Variants in GRIN2A observed in about 807,000 individuals in gnomAD.
The protein encoded by GRIN2A is glutamate ionotropic receptor NMDA type subunit 2A.
Under a neutral mutation model 113.4 loss-of-function variants are expected in GRIN2A, and 22 were observed. The observed-to-expected ratio is 0.19, with a 90% confidence interval of 0.14 to 0.28. GRIN2A has a LOEUF of 0.28. Among genes scored for constraint, GRIN2A ranks in the 10% least tolerant of loss-of-function variants. The pLI is 1.00. For synonymous variants in GRIN2A, 827 were observed against 738.4 expected (o/e 1.12, Z -1.94); for missense variants, 1,502 against 1,887.0 (o/e 0.80, Z 3.78).
intron 2 of GRIN2A, among the ~76,000 whole-genome samples, chr16:10,009,350 A>G (rs1346288920): frequency 6.6e-6 from 1 of 152,224 alleles, no homozygotes; most frequent in Non-Finnish European, 1.5e-5. Context: ...TAGAGTTGAC[A>G]CACAGAGAGG....
chr16:10,093,618 G>GAA (rs199838522), intron 2 of GRIN2A, among the ~76,000 whole-genome samples: 28,989 of 145,372 alleles, frequency 0.2, 3,442 homozygotes, highest in East Asian at 0.44. Flanking sequence ...GCAACAAAGT[G>GAA]AAAAAAAAAA....
At chr16:9,881,829 T>C (rs1289059671) in intron 4 of GRIN2A, among the ~76,000 whole-genome samples, 1 of 152,206 alleles carries the variant, frequency 6.6e-6, no homozygotes, top group African/African-American at 2.4e-5. Context: ...TCCCTGCCGG[T>C]AGAATGTGTC....
Position 9,939,220 on chromosome 16 carries a change from G to T in GRIN2A, c.415-669C>A, listed in dbSNP as rs533356829. 9.8e-5 allele frequency among the ~76,000 whole-genome samples: 15 copies of T among 152,286 alleles called. No homozygotes were observed. The South Asian group carries it at 2.9e-3, about 29-fold the overall frequency. ...AACTTCTACAAACTAAGAGCTAAAA[G>T]AGGTATATGAAGTGCTGAAGGAGAA... is the stretch of plus-strand genomic sequence containing the variant. On this transcript the variant is annotated intron_variant, in intron 2 of 12. Coordinates refer to ENST00000330684, the MANE Select transcript of GRIN2A (RefSeq NM_001134407.3).
Position 9,834,243 on chromosome 16 carries a change from A to G in GRIN2A, c.1652-13T>C, listed in dbSNP as rs201444481. The G allele has an allele frequency of 3.6e-4, 582 of 1,613,832 alleles. 2 individuals carry two copies. In the African/African-American group the frequency reaches 6.7e-3, roughly 19 times the overall value. On this transcript the variant is annotated splice_polypyrimidine_tract_variant and intron_variant, in intron 7 of 12. Coordinates refer to ENST00000330684, the MANE Select transcript of GRIN2A (RefSeq NM_001134407.3). The stretch of plus-strand genomic sequence containing the variant: ...GCGCTGAATGGTTCTGCAAATAAAC[A>G]GATAAAGGAATGGAAACGTGGTTAG...
chr16:9,957,960 T>C (rs2045344375), intron 2 of GRIN2A, among the ~76,000 whole-genome samples: 4 of 152,184 alleles, frequency 2.6e-5, no homozygotes. Flanking sequence ...TGGCTTGTTT[T>C]CCATGTTGAT....
At chr16:9,942,020 A>C (rs912137446) in intron 2 of GRIN2A, among the ~76,000 whole-genome samples, 2 of 152,186 alleles carry the variant, frequency 1.3e-5, no homozygotes, top group South Asian at 4.1e-4. Flanking sequence ...AGTTGTAGGA[A>C]TTAAATGATT....
intron 2 of GRIN2A, among the ~76,000 whole-genome samples, chr16:10,091,350 T>C (rs2048179999): frequency 6.6e-6 from 1 of 152,122 alleles, no homozygotes; most frequent in Non-Finnish European, 1.5e-5. Flanking sequence ...GGATCACATC[T>C]ATAACTTTGG....
intron 2 of GRIN2A, among the ~76,000 whole-genome samples, chr16:10,093,529 T>A (rs1596497821): frequency 6.6e-6 from 1 of 152,078 alleles, no homozygotes; most frequent in Non-Finnish European, 1.5e-5. Flanking sequence ...GACAGTATTA[T>A]AGTCAGGTGG....
intron 7 of GRIN2A, among the ~76,000 whole-genome samples, chr16:9,839,950 C>T (rs1251418614): frequency 6.6e-6 from 1 of 151,624 alleles, no homozygotes; most frequent in African/African-American, 2.4e-5. Context: ...CATGGCGAAA[C>T]CCCATCTCTA....
chr16:10,049,701 A>G (rs574475202), intron 2 of GRIN2A, among the ~76,000 whole-genome samples: 2 of 152,246 alleles, frequency 1.3e-5, no homozygotes, highest in Admixed American at 1.3e-4. Flanking sequence ...GGGACTCCGC[A>G]GTCCTCTTCC....
intron 4 of GRIN2A, among the ~76,000 whole-genome samples, chr16:9,870,660 T>C (rs1198369789): frequency 1.3e-5 from 2 of 150,530 alleles, no homozygotes; most frequent in African/African-American, 2.5e-5. Flanking sequence ...TTTGTAGAGA[T>C]GGAGTCTCGC....
intron 2 of GRIN2A, among the ~76,000 whole-genome samples, chr16:10,162,573 G>A (rs1212807715): frequency 6.6e-6 from 1 of 152,126 alleles, no homozygotes; most frequent in Non-Finnish European, 1.5e-5. Flanking sequence ...TCTTCACATG[G>A]TCCTCCCTTT....
intron 2 of GRIN2A, among the ~76,000 whole-genome samples, chr16:10,151,431 G>A (rs975236270): frequency 2.0e-5 from 3 of 152,176 alleles, no homozygotes; most frequent in Non-Finnish European, 4.4e-5. Flanking sequence ...AGCATGAAGC[G>A]ATGGGAAACA....
At chr16:9,818,194 C>T (rs895300311) in intron 10 of GRIN2A, among the ~76,000 whole-genome samples, 6 of 151,820 alleles carry the variant, frequency 4.0e-5, no homozygotes, top group African/African-American at 1.5e-4. Flanking sequence ...ACCGCAGTCT[C>T]GTGGTGGGAC....
At chr16:9,941,584 C>T (rs369774568) in intron 2 of GRIN2A, among the ~76,000 whole-genome samples, 4 of 152,196 alleles carry the variant, frequency 2.6e-5, no homozygotes, top group East Asian at 1.9e-4. Flanking sequence ...GATCCCCATT[C>T]GCAGCCTCTC....
intron 11 of GRIN2A, among the ~76,000 whole-genome samples, chr16:9,789,553 TACACACACAC>T (rs71157785): frequency 1.5e-3 from 227 of 149,612 alleles, no homozygotes; most frequent in East Asian, 9.9e-3. Context: ...GAAACATACA[TACACACACAC>T]ACACACACAC....
chr16:10,143,280 G>A (rs1188369388), intron 2 of GRIN2A, among the ~76,000 whole-genome samples: 4 of 152,178 alleles, frequency 2.6e-5, no homozygotes, highest in Non-Finnish European at 5.9e-5. Flanking sequence ...CCTTAACGTG[G>A]TGTATTCCAG....
At chr16:10,083,319 G>C (rs760892075) in intron 2 of GRIN2A, among the ~76,000 whole-genome samples, 5 of 152,212 alleles carry the variant, frequency 3.3e-5, no homozygotes, top group African/African-American at 9.6e-5. Flanking sequence ...ATGAGAAGAC[G>C]TGTGTGGCCC....
At chr16:10,100,586 G>C (rs1345609563) in intron 2 of GRIN2A, among the ~76,000 whole-genome samples, 1 of 152,190 alleles carries the variant, frequency 6.6e-6, no homozygotes, top group Non-Finnish European at 1.5e-5. Flanking sequence ...ATAAACGATA[G>C]TCGTTGTTAT....
Sources: gnomAD v4.1 joint callset for allele counts (sites outside exome capture counted in the v4.1 genomes callset) on GRCh38, gnomAD v4.1.1 for gene constraint, MANE v1.5 for transcripts, NCBI Gene and HGNC (gene_info 2026-07-23, HGNC 2026-07-21) for gene names.